NXPH1: variants seen among roughly 807,000 people sequenced by gnomAD.
NXPH1 encodes the protein neurexophilin-1.
NXPH1 carries 5 observed loss-of-function variants against 23.7 expected under a neutral mutation model. The ratio of observed to expected loss-of-function variants is 0.21; its 90% confidence interval spans 0.11 to 0.44. The LOEUF is 0.44. NXPH1 is among the 20% of genes least tolerant of loss of function. NXPH1 has a pLI of 0.99. For missense variants in NXPH1, 324 were observed against 321.6 expected (o/e 1.01, Z -0.06); for synonymous variants, 144 against 122.2 (o/e 1.18, Z -1.18).
At position 8,442,274 on chromosome 7, in the gene NXPH1, C is replaced by T. The variant is rs1253783592; in HGVS notation, c.54+6507C>T. 6.6e-6 allele frequency among the ~76,000 whole-genome samples: 1 copy of T among 152,222 alleles called. No homozygotes were observed. Among genetic ancestry groups the T allele is most frequent in the East Asian group, 1.9e-4 (1 of 5,200 alleles). On this transcript the variant is annotated intron_variant, in intron 2 of 2. Coordinates refer to ENST00000405863, the MANE Select transcript of NXPH1 (RefSeq NM_152745.3). The surrounding 1 kb of genome is among the most constrained non-coding windows in gnomAD (Gnocchi z 4.6). ...GGAGAACCGGGAGGCTTTTCTTGTA[C>T]TGTTTCTTTCTCCCACAATAAGACA...
At chr7:8,492,175 G>A (rs527999733) in intron 2 of NXPH1, among the ~76,000 whole-genome samples, 11 of 152,116 alleles carry the variant, frequency 7.2e-5, no homozygotes, top group African/African-American at 2.2e-4. Context: ...CTTTTATTGT[G>A]ATCCGACATT....
In NXPH1 at chr7:8,434,438, C is replaced by G. The variant is rs1161275614; in HGVS notation, c.-428C>G. ...CATTCCCCTCTCTCCCTCCCTCTTG[C>G]TCTCCCTCCCTTTCTGTCTTCCTCT... On this transcript the variant is annotated 5_prime_UTR_variant, in exon 1 of 3. Coordinates refer to ENST00000405863, the MANE Select transcript of NXPH1 (RefSeq NM_152745.3). The surrounding 1 kb of genome is among the most constrained non-coding windows in gnomAD (Gnocchi z 7.6). The G allele has an allele frequency of 6.5e-6, 1 of 153,796 alleles. No individual in the cohort carries two copies. The highest frequency in any genetic ancestry group is 2.1e-4 in the South Asian group (1 of 4,856). The allele number at this position is 153,796 out of a possible 1,614,324, so 9.5% of individuals were successfully genotyped here.
intron 2 of NXPH1, among the ~76,000 whole-genome samples, chr7:8,542,500 A>G (rs919733454): frequency 2.6e-5 from 4 of 151,624 alleles, no homozygotes; most frequent in Non-Finnish European, 5.9e-5. Context: ...AGAAAACTCT[A>G]TGCAACAAGA....
At chr7:8,516,690 G>C (rs914842714) in intron 2 of NXPH1, among the ~76,000 whole-genome samples, 3 of 152,256 alleles carry the variant, frequency 2.0e-5, no homozygotes, top group African/African-American at 2.4e-5. Context: ...CAGTTATTAA[G>C]AGGAGGTAGA....
chr7:8,537,389 G>A (rs998847292), intron 2 of NXPH1, among the ~76,000 whole-genome samples: 2 of 151,968 alleles, frequency 1.3e-5, no homozygotes, highest in Non-Finnish European at 2.9e-5. Flanking sequence ...GCATGGCTGG[G>A]AGGCATCAGG....
intron 2 of NXPH1, among the ~76,000 whole-genome samples, chr7:8,572,575 G>A (rs570034171): frequency 5.3e-5 from 8 of 152,084 alleles, no homozygotes; most frequent in Non-Finnish European, 1.2e-4. Flanking sequence ...GAGCTGTGAA[G>A]GTAAAGCCTG....
intron 2 of NXPH1, among the ~76,000 whole-genome samples, chr7:8,587,958 A>G (rs1819013181): frequency 6.6e-6 from 1 of 152,144 alleles, no homozygotes; most frequent in African/African-American, 2.4e-5. Context: ...GACACTTCTC[A>G]AAAGAAGACA....
At chr7:8,534,393 C>A (rs1468074303) in intron 2 of NXPH1, among the ~76,000 whole-genome samples, 1 of 152,054 alleles carries the variant, frequency 6.6e-6, no homozygotes, top group Non-Finnish European at 1.5e-5. Context: ...AGGTTGAAAA[C>A]GTTTGGGTAT....
chr7:8,553,787 G>C (rs1818313100), intron 2 of NXPH1, among the ~76,000 whole-genome samples: 1 of 151,592 alleles, frequency 6.6e-6, no homozygotes, highest in South Asian at 2.1e-4. Context: ...GCCATGATCA[G>C]TGTAGTCATT....
chr7:8,623,715 T>A (rs973353196), intron 2 of NXPH1, among the ~76,000 whole-genome samples: 2 of 150,022 alleles, frequency 1.3e-5, no homozygotes, highest in African/African-American at 5.1e-5. Context: ...AAGTCTCATA[T>A]GTGCCTTTTA....
At chr7:8,742,732 C>T (rs1780388773) in intron 2 of NXPH1, among the ~76,000 whole-genome samples, 1 of 152,098 alleles carries the variant, frequency 6.6e-6, no homozygotes, top group South Asian at 2.1e-4. Context: ...TGATGAAGAA[C>T]ATCTTTTACA....
At chr7:8,486,149 G>A (rs935625623) in intron 2 of NXPH1, among the ~76,000 whole-genome samples, 10 of 152,202 alleles carry the variant, frequency 6.6e-5, no homozygotes, top group Non-Finnish European at 1.2e-4. Context: ...TTTGGAGATT[G>A]TAATTTTTAT....
intron 2 of NXPH1, among the ~76,000 whole-genome samples, chr7:8,709,048 G>C (rs1377160903): frequency 1.3e-5 from 2 of 152,080 alleles, no homozygotes; most frequent in Non-Finnish European, 1.5e-5. Flanking sequence ...ATTGGCTTAT[G>C]ATAAAGTTTA....
intron 2 of NXPH1, among the ~76,000 whole-genome samples, chr7:8,735,500 G>A (rs1029396088): frequency 2.6e-5 from 4 of 152,180 alleles, no homozygotes; most frequent in Admixed American, 2.0e-4. Context: ...CTTGATCATG[G>A]TGGATAAGCT....
At chr7:8,506,911 G>A (rs1005673262) in intron 2 of NXPH1, among the ~76,000 whole-genome samples, 1 of 152,014 alleles carries the variant, frequency 6.6e-6, no homozygotes, top group African/African-American at 2.4e-5. Context: ...TCATGTGAAG[G>A]TTTGGTTCCA....
At chr7:8,661,054 T>C (rs1820661732) in intron 2 of NXPH1, among the ~76,000 whole-genome samples, 3 of 151,840 alleles carry the variant, frequency 2.0e-5, no homozygotes, top group Non-Finnish European at 4.4e-5. Flanking sequence ...CACAGTGACA[T>C]AGAAAAATAT....
intron 2 of NXPH1, among the ~76,000 whole-genome samples, chr7:8,611,286 C>G (rs1404682527): frequency 1.3e-5 from 2 of 152,164 alleles, no homozygotes; most frequent in Non-Finnish European, 2.9e-5. Flanking sequence ...CCAAGTTTCT[C>G]TCAATCGGCT....
At chr7:8,464,909 C>T (rs1816755711) in intron 2 of NXPH1, among the ~76,000 whole-genome samples, 1 of 152,136 alleles carries the variant, frequency 6.6e-6, no homozygotes, top group Non-Finnish European at 1.5e-5. Context: ...GAAAGTTAGC[C>T]TAAGTAGTTT....
chr7:8,674,162 GACACAC>G (rs35790323), intron 2 of NXPH1, among the ~76,000 whole-genome samples: 207 of 86,180 alleles, frequency 2.4e-3, no homozygotes, highest in African/African-American at 5.3e-3. Flanking sequence ...CAAACATATA[GACACAC>G]ACACACACAC....
Sources: gnomAD v4.1 joint callset for allele counts (sites outside exome capture counted in the v4.1 genomes callset) on GRCh38, gnomAD v4.1.1 for gene constraint, Gnocchi (gnomAD v3.1) non-coding constraint, MANE v1.5 for transcripts, NCBI Gene and HGNC (gene_info 2026-07-23, HGNC 2026-07-21) for gene names.